TBC1D8: variants seen among roughly 807,000 people sequenced by gnomAD.
TBC1D8 encodes the protein BUB2-like protein 1.
In TBC1D8, 65 loss-of-function variants were observed where a neutral mutation model predicts 118.8. The observed-to-expected ratio is 0.55, with a 90% CI of 0.45 to 0.67. The LOEUF is 0.67. Among genes scored for constraint, TBC1D8 ranks in the 30% least tolerant of loss-of-function variants. TBC1D8 has a pLI of 0.00. For synonymous variants in TBC1D8, 566 were observed against 595.8 expected (o/e 0.95, Z 0.73); for missense variants, 1,376 against 1,471.2 (o/e 0.94, Z 1.06).
At position 101,029,517 on chromosome 2, in the gene TBC1D8, A is replaced by G; in HGVS notation, c.2196T>C (p.Asp732=). 3 of 1,613,768 alleles carry G rather than the reference A, an allele frequency of 1.9e-6. No individual in the cohort carries two copies. Among genetic ancestry groups the G allele is most frequent in the Non-Finnish European group, 2.5e-6 (3 of 1,179,766 alleles). ...NAEDLCSSKD[D]GQALMILSRF... is the part of the protein sequence containing the mutation. ...TGCTGAGGATCATCAAGGCCTGGCCATCATCCTTGCTGCTGCACAGGTCCT... is the reference window on the plus strand; with the variant it reads ...TGCTGAGGATCATCAAGGCCTGGCCGTCATCCTTGCTGCTGCACAGGTCCT... The change falls in exon 12 of 20, where the codon GAT becomes GAC. Residue 732 remains aspartate (D), a synonymous_variant. Coordinates refer to ENST00000409318, the MANE Select transcript of TBC1D8 (RefSeq NM_001330348.2).
chr2:101,018,115 T>C (rs1679788478), intron 17 of TBC1D8: 2 of 565,964 alleles, frequency 3.5e-6, no homozygotes, highest in African/African-American at 1.9e-5. Flanking sequence ...CTTTTTCATA[T>C]AAAGTTTTCA....
chr2:101,085,681 G>C (rs1328785177), intron 2 of TBC1D8, among the ~76,000 whole-genome samples: 1 of 152,214 alleles, frequency 6.6e-6, no homozygotes, highest in Non-Finnish European at 1.5e-5. Flanking sequence ...TTCTGTGCTA[G>C]AAGAGAATGG....
Position 101,110,960 on chromosome 2 carries a change from A to G in TBC1D8, c.128-20596T>C, listed in dbSNP as rs144023651. ...GCGCCACTGCACTCCAGCCTGGGCAACAAGGGCAAAACTCCATCGCAAAAA... is the reference window on the plus strand; with the variant it reads ...GCGCCACTGCACTCCAGCCTGGGCAGCAAGGGCAAAACTCCATCGCAAAAA... On this transcript the variant is annotated intron_variant, in intron 1 of 19. Coordinates refer to ENST00000409318, the MANE Select transcript of TBC1D8 (RefSeq NM_001330348.2). 6.1e-3 allele frequency among the ~76,000 whole-genome samples: 910 copies of G among 149,256 alleles called. 6 individuals are homozygous for G. Among genetic ancestry groups the G allele is most frequent in the African/African-American group, 0.021 (849 of 40,436 alleles).
intron 17 of TBC1D8, among the ~76,000 whole-genome samples, chr2:101,015,084 GCCT>G (rs1357203837): frequency 6.6e-6 from 1 of 152,200 alleles, no homozygotes; most frequent in African/African-American, 2.4e-5. Context: ...AGATGCTGTA[GCCT>G]ACTACACACC....
At chr2:101,034,025 A>T (rs1558638778) in intron 9 of TBC1D8, among the ~76,000 whole-genome samples, 1 of 152,104 alleles carries the variant, frequency 6.6e-6, no homozygotes, top group African/African-American at 2.4e-5. Context: ...TTAGCCAGGC[A>T]TGGTGGTGGG....
chr2:101,014,410 C>T (rs755955304), intron 17 of TBC1D8, among the ~76,000 whole-genome samples: 2 of 152,098 alleles, frequency 1.3e-5, no homozygotes, highest in Non-Finnish European at 2.9e-5. Context: ...ATCAGGACTG[C>T]GTGTTAAACT....
chr2:101,123,624 A>C (rs779702606), intron 1 of TBC1D8, among the ~76,000 whole-genome samples: 9 of 152,330 alleles, frequency 5.9e-5, no homozygotes, highest in Middle Eastern at 3.4e-3. Flanking sequence ...ACTACTCCAA[A>C]GACAGAACAT....
In TBC1D8 at chr2:101,035,990, T is replaced by C. The variant is rs199710160; in HGVS notation, c.1603+28A>G. On this transcript the variant is annotated intron_variant, in intron 9 of 19. Coordinates refer to ENST00000409318, the MANE Select transcript of TBC1D8 (RefSeq NM_001330348.2). ...CCTGTGTCCATGACAAAAAGAACAA[T>C]TAGCTTCGAGACACCAAGAGCGCTT... 1.9e-4 allele frequency: 307 copies of C among 1,611,590 alleles called. No individual in the cohort carries two copies. In the East Asian group the frequency reaches 5.0e-3, roughly 26 times the overall value.
intron 1 of TBC1D8, among the ~76,000 whole-genome samples, chr2:101,140,152 C>T (rs1679037477): frequency 6.6e-6 from 1 of 151,980 alleles, no homozygotes; most frequent in African/African-American, 2.4e-5. Context: ...AAACTGAGAC[C>T]CTACAAAGAG....
intron 1 of TBC1D8, among the ~76,000 whole-genome samples, chr2:101,145,229 C>T (rs944608010): frequency 1.4e-4 from 21 of 152,316 alleles, no homozygotes; most frequent in African/African-American, 4.8e-4. Context: ...ATTATGCTCT[C>T]ACTAAATGCA....
intron 1 of TBC1D8, among the ~76,000 whole-genome samples, chr2:101,098,832 G>A (rs989955847): frequency 3.3e-5 from 5 of 152,036 alleles, no homozygotes; most frequent in African/African-American, 7.2e-5. Context: ...AAAAGACAAC[G>A]TACCAGAATC....
In TBC1D8 at chr2:101,066,944, CAAAAA is replaced by C. The variant is rs543680787; in HGVS notation, c.284-7410_284-7406del. On this transcript the variant is annotated intron_variant, in intron 2 of 19. Transcript: ENST00000409318. ...CCTGGGCGACAGAGCGAGAGTATCC[CAAAAA>C]AAAAAAAAAAAAAAAAAAAATCAAA... is the stretch of plus-strand genomic sequence containing the variant. Among the ~76,000 whole-genome samples the C allele has an allele frequency of 2.9e-3, 337 of 114,878 alleles. 2 individuals carry two copies. The highest frequency in any genetic ancestry group is 0.013 in the East Asian group (50 of 3,734). The allele number at this position is 114,878 out of a possible 152,430, so 75.4% of individuals were successfully genotyped here. A position where few individuals can be genotyped will look rare whatever the true frequency, so the allele number is the denominator to read the frequency against.
chr2:101,113,241 T>C (rs956138937), intron 1 of TBC1D8, among the ~76,000 whole-genome samples: 3 of 152,096 alleles, frequency 2.0e-5, no homozygotes, highest in African/African-American at 4.8e-5. Context: ...TTGGAAAACA[T>C]ATAAAACCAC....
rs773194021 is a variant in TBC1D8 at position 101,038,613 on chromosome 2, G to A, written c.1123C>T (p.His375Tyr). Residue 375 changes from histidine to tyrosine, a missense_variant, in exon 7 of 20, where the codon CAT becomes TAT. Coordinates refer to ENST00000409318, the MANE Select transcript of TBC1D8 (RefSeq NM_001330348.2). ...EKMEDTSLLP[H>Y]PIIVSIRSKV... is the part of the protein sequence containing the mutation. Reference sequence around the variant, plus strand: ...CTTCTGATACTGACAATGATGGGATGCGGCAGCAGGCTCGTGTCCTCCATC... The same window carrying A: ...CTTCTGATACTGACAATGATGGGATACGGCAGCAGGCTCGTGTCCTCCATC... 12 of 1,613,914 alleles carry A rather than the reference G, an allele frequency of 7.4e-6. No homozygotes were observed. The highest frequency in any genetic ancestry group is 1.6e-4 in the Middle Eastern group (1 of 6,084).
chr2:101,012,141 A>G (rs1304323295), intron 17 of TBC1D8, among the ~76,000 whole-genome samples: 1 of 152,238 alleles, frequency 6.6e-6, no homozygotes, highest in African/African-American at 2.4e-5. Flanking sequence ...CAGCCACTTT[A>G]GTAAACAGTC....
At chr2:101,032,571 C>T (rs994475289) in intron 10 of TBC1D8, 186 bp from the exon 11 acceptor site, 10 of 538,928 alleles carry the variant, frequency 1.9e-5, no homozygotes, top group Non-Finnish European at 3.0e-5. Context: ...TCACAGGACA[C>T]GCCCAGCTGA....
intron 6 of TBC1D8, among the ~76,000 whole-genome samples, chr2:101,038,998 A>G (rs1040928217): frequency 6.6e-6 from 1 of 152,248 alleles, no homozygotes; most frequent in African/African-American, 2.4e-5. Context: ...GAATCCACTC[A>G]TATGAGGTAC....
chr2:101,016,697 G>A (rs1286688108), intron 17 of TBC1D8, among the ~76,000 whole-genome samples: 2 of 152,154 alleles, frequency 1.3e-5, no homozygotes, highest in Non-Finnish European at 2.9e-5. Flanking sequence ...AGGATAGACT[G>A]GATTAAGAAA....
At chr2:101,039,051 T>A (rs995637356) in intron 6 of TBC1D8, among the ~76,000 whole-genome samples, 1 of 152,166 alleles carries the variant, frequency 6.6e-6, no homozygotes, top group Non-Finnish European at 1.5e-5. Flanking sequence ...AGAAGGATGG[T>A]TGCTAGGGGC....
Sources: allele counts gnomAD v4.1 joint callset (sites outside exome capture counted in the v4.1 genomes callset), GRCh38; gene constraint gnomAD v4.1.1; transcripts MANE v1.5; gene names NCBI Gene and HGNC (gene_info 2026-07-23, HGNC 2026-07-21).